CDH18: variants seen among roughly 807,000 people sequenced by gnomAD.
CDH18 encodes cadherin-18.
CDH18 carries 31 observed loss-of-function variants against 67.9 expected under a neutral mutation model. That is an observed-to-expected ratio of 0.46 (90% confidence interval 0.34 to 0.62). The LOEUF (loss-of-function observed/expected upper bound fraction) is 0.62, where lower values mean the gene tolerates loss of function less well. Among genes scored for constraint, CDH18 ranks in the 20% least tolerant of loss-of-function variants. The probability of loss-of-function intolerance (pLI) is 0.01; values close to 1 mark genes in which losing one functional copy is unlikely to be tolerated. For synonymous variants in CDH18, 362 were observed against 347.2 expected (o/e 1.04, Z -0.48); for missense variants, 890 against 975.5 (o/e 0.91, Z 1.17).
intron 2 of CDH18, among the ~76,000 whole-genome samples, chr5:19,901,635 C>T (rs1300869760): frequency 1.3e-5 from 2 of 151,830 alleles, no homozygotes; most frequent in Non-Finnish European, 2.9e-5. Flanking sequence ...TTCACATAGG[C>T]ATTAAAATAT....
At chr5:19,720,878 A>G (rs1225276792) in intron 5 of CDH18, among the ~76,000 whole-genome samples, 1 of 152,162 alleles carries the variant, frequency 6.6e-6, no homozygotes, top group Non-Finnish European at 1.5e-5. Context: ...CCCCAGTACA[A>G]TACAATTTTA....
intron 5 of CDH18, among the ~76,000 whole-genome samples, chr5:19,626,940 T>C (rs1751646259): frequency 6.6e-6 from 1 of 152,150 alleles, no homozygotes; most frequent in Non-Finnish European, 1.5e-5. Flanking sequence ...AACTTAAAAG[T>C]TCCCTTTCAC....
chr5:20,017,208 C>T (rs1399881617), intron 2 of CDH18, among the ~76,000 whole-genome samples: 1 of 151,990 alleles, frequency 6.6e-6, no homozygotes, highest in Non-Finnish European at 1.5e-5. Flanking sequence ...AAGAATTTTT[C>T]CCTTGGAAAG....
At chr5:19,855,751 A>T (rs1784218953) in intron 2 of CDH18, among the ~76,000 whole-genome samples, 1 of 152,172 alleles carries the variant, frequency 6.6e-6, no homozygotes. Flanking sequence ...CAACAGATAA[A>T]ATTGCATGTT....
chr5:19,955,948 A>G (rs1419333605), intron 2 of CDH18, among the ~76,000 whole-genome samples: 1 of 152,050 alleles, frequency 6.6e-6, no homozygotes, highest in Non-Finnish European at 1.5e-5. Flanking sequence ...TTACATGTAA[A>G]GTTTCAGATA....
At chr5:20,443,211 A>AAAAAAAAAAG (rs1749759602) in intron 1 of CDH18, among the ~76,000 whole-genome samples, 1 of 40,532 alleles carries the variant, frequency 2.5e-5, no homozygotes, top group Admixed American at 2.6e-4. Context: ...CTCCGTCACA[A>AAAAAAAAAAG]AAAAAAAAAA....
intron 1 of CDH18, among the ~76,000 whole-genome samples, chr5:20,506,432 G>A (rs1018026327): frequency 1.3e-5 from 2 of 152,212 alleles, no homozygotes; most frequent in African/African-American, 4.8e-5. Flanking sequence ...GGCAAGGAAC[G>A]TAAGTGGCCT....
chr5:20,498,647 A>G (rs1014922410), intron 1 of CDH18, among the ~76,000 whole-genome samples: 9 of 152,212 alleles, frequency 5.9e-5, no homozygotes, highest in Admixed American at 1.3e-4. Context: ...AGTTGATAAC[A>G]TATTTCACTT....
intron 3 of CDH18, among the ~76,000 whole-genome samples, chr5:19,780,364 T>C (rs1774957662): frequency 6.6e-6 from 1 of 152,130 alleles, no homozygotes; most frequent in Non-Finnish European, 1.5e-5. Context: ...CTGACACCAT[T>C]TTTCCATTCT....
At chr5:19,642,339 A>T (rs58116038) in intron 5 of CDH18, among the ~76,000 whole-genome samples, 6,041 of 152,068 alleles carry the variant, frequency 0.04, 412 homozygotes, top group African/African-American at 0.14. Context: ...CCTAAAATTC[A>T]TCTGAAACTG....
At chr5:19,761,849 A>G (rs1449201241) in intron 3 of CDH18, among the ~76,000 whole-genome samples, 1 of 152,182 alleles carries the variant, frequency 6.6e-6, no homozygotes, top group Non-Finnish European at 1.5e-5. Context: ...CTATACTACA[A>G]GGCTACAGTA....
At chr5:20,284,277 A>G (rs1464494313) in intron 1 of CDH18, among the ~76,000 whole-genome samples, 2 of 152,090 alleles carry the variant, frequency 1.3e-5, no homozygotes, top group African/African-American at 2.4e-5. Flanking sequence ...AAGAAAGGAT[A>G]CAAACTTGAG....
intron 2 of CDH18, among the ~76,000 whole-genome samples, chr5:20,117,852 T>A (rs1004404693): frequency 2.0e-5 from 3 of 152,194 alleles, no homozygotes; most frequent in Admixed American, 2.0e-4. Flanking sequence ...ACAATTAACA[T>A]TAACTTTTTT....
intron 1 of CDH18, among the ~76,000 whole-genome samples, chr5:20,572,314 G>T (rs537708006): frequency 6.6e-6 from 1 of 151,974 alleles, no homozygotes; most frequent in African/African-American, 2.4e-5. Context: ...ATTGAGTTTC[G>T]GTGCTGTCCC....
At chr5:20,244,763 G>A (rs1743246350) in intron 2 of CDH18, among the ~76,000 whole-genome samples, 2 of 152,046 alleles carry the variant, frequency 1.3e-5, no homozygotes, top group South Asian at 4.1e-4. Flanking sequence ...TCAAATACAT[G>A]TTGTTGCTTG....
intron 4 of CDH18, among the ~76,000 whole-genome samples, chr5:19,731,274 C>G (rs933976824): frequency 1.3e-5 from 2 of 152,038 alleles, no homozygotes; most frequent in South Asian, 4.1e-4. Flanking sequence ...ATGGTGAAAC[C>G]CTGTCTCTAC....
intron 5 of CDH18, among the ~76,000 whole-genome samples, chr5:19,677,494 A>G (rs1759662693): frequency 1.3e-5 from 2 of 152,062 alleles, no homozygotes; most frequent in African/African-American, 4.8e-5. Flanking sequence ...CTATAAAGCA[A>G]CCAAACAATC....
intron 1 of CDH18, among the ~76,000 whole-genome samples, chr5:20,303,501 C>T (rs1736122148): frequency 6.6e-6 from 1 of 152,142 alleles, no homozygotes; most frequent in African/African-American, 2.4e-5. Context: ...GAGGTGAACA[C>T]TTAGTACTCA....
In CDH18 at chr5:20,303,976, A is replaced by AAAACT. The variant is rs2149973562; in HGVS notation, c.-579-48476_-579-48472dup. 8 of 879,724 alleles carry AAAACT rather than the reference A, an allele frequency of 9.1e-6. No individual in the cohort carries two copies. The South Asian group carries it at 1.0e-4, about 11-fold the overall frequency. 54.5% of individuals were successfully genotyped at this position (879,724 alleles called of 1,614,324 possible). On this transcript the variant is annotated intron_variant, in intron 1 of 14. Coordinates refer to the CDH18 transcript ENST00000507958. ...TCTTAGAATGTCAAAGAAGAGAAGA[A>AAAACT]AAACTAAGTCGAAGGGATGGTGGAA...
Sources: gnomAD v4.1 joint callset for allele counts (sites outside exome capture counted in the v4.1 genomes callset) on GRCh38, gnomAD v4.1.1 for gene constraint, MANE v1.5 for transcripts, NCBI Gene and HGNC (gene_info 2026-07-23, HGNC 2026-07-21) for gene names.